The following SOX5 variants were observed in gnomAD, a reference collection of about 807,000 sequenced individuals.
SOX5 encodes transcription factor SOX-5.
In SOX5, 9 loss-of-function variants were observed where a neutral mutation model predicts 92.0. The ratio of observed to expected loss-of-function variants is 0.10; its 90% CI spans 0.06 to 0.17. SOX5 has a LOEUF of 0.17. SOX5 is among the 10% of genes least tolerant of loss of function. SOX5 has a pLI of 1.00. For missense variants in SOX5, 642 were observed against 944.5 expected (o/e 0.68, Z 4.20); for synonymous variants, 344 against 336.3 (o/e 1.02, Z -0.25).
At chr12:24,088,815 A>T (rs1342986803) in intron 4 of SOX5, among the ~76,000 whole-genome samples, 1 of 152,094 alleles carries the variant, frequency 6.6e-6, no homozygotes, top group African/African-American at 2.4e-5. Flanking sequence ...TTATGGCAGT[A>T]AATTTTAATT....
At chr12:23,843,104 A>C (rs1415315669) in intron 3 of SOX5, among the ~76,000 whole-genome samples, 4 of 152,194 alleles carry the variant, frequency 2.6e-5, no homozygotes, top group Non-Finnish European at 5.9e-5. Flanking sequence ...GACAAACATT[A>C]GACAAATTCC....
At position 24,034,785 on chromosome 12, in the gene SOX5, T is replaced by G. The variant is rs139498957; in HGVS notation, c.-1-138761A>C. Reference sequence around the variant, plus strand: ...TCTACTTTAATAGAATAAATTTGTGTGTTTGTGTGTTTTACTATTTGATGG... The same window carrying G: ...TCTACTTTAATAGAATAAATTTGTGGGTTTGTGTGTTTTACTATTTGATGG... On this transcript the variant is annotated intron_variant, in intron 4 of 4. Coordinates refer to the SOX5 transcript ENST00000446891. 4.8e-3 allele frequency among the ~76,000 whole-genome samples: 732 copies of G among 152,186 alleles called. 4 individuals carry two copies. Among genetic ancestry groups the G allele is most frequent in the Non-Finnish European group, 7.6e-3 (514 of 67,964 alleles).
chr12:24,390,857 C>T (rs549142423), intron 1 of SOX5, among the ~76,000 whole-genome samples: 1 of 152,232 alleles, frequency 6.6e-6, no homozygotes, highest in East Asian at 1.9e-4. Flanking sequence ...GATTCTATAT[C>T]TTTGCCATTG....
At position 23,536,515 on chromosome 12, in the gene SOX5, A is replaced by G; in HGVS notation, c.1926T>C (p.Ile642=). 1 of 1,614,208 alleles carries G rather than the reference A, an allele frequency of 6.2e-7. No homozygotes were observed. Among genetic ancestry groups the G allele is most frequent in the Non-Finnish European group, 8.5e-7 (1 of 1,180,032 alleles). The change falls in exon 14 of 15, where the codon ATT becomes ATC. Residue 642 remains isoleucine (I), a synonymous_variant. Transcript: ENST00000451604. ...TGCGCATGATTGCCTTGTATTCACC[A>G]ATGCGCAGCTTTTTGCCATCCACCA... ...TCLVDGKKLR[I]GEYKAIMRNR...
At chr12:23,768,751 G>GT (rs1302314192) in intron 3 of SOX5, among the ~76,000 whole-genome samples, 1 of 151,910 alleles carries the variant, frequency 6.6e-6, no homozygotes, top group Non-Finnish European at 1.5e-5. Context: ...AGTGAAACAG[G>GT]TAAGTCATTG....
chr12:23,662,129 C>T (rs1282205629), intron 7 of SOX5, among the ~76,000 whole-genome samples: 1 of 151,974 alleles, frequency 6.6e-6, no homozygotes, highest in Non-Finnish European at 1.5e-5. Context: ...TTTATACACA[C>T]ACATTATATA....
At position 23,550,548 on chromosome 12, in the gene SOX5, G is replaced by T. The variant is rs570951888; in HGVS notation, c.1489-4124C>A. Among the ~76,000 whole-genome samples, 14 of 151,962 alleles carry T rather than the reference G, an allele frequency of 9.2e-5. 2 individuals carry two copies. In the South Asian group the frequency reaches 2.9e-3, roughly 32 times the overall value. On this transcript the variant is annotated intron_variant, in intron 11 of 14. Transcript: ENST00000451604. ...GTTAAATTTCAGTATTAAGTAGCCT[G>T]TTATGATTATAAACTCTATTCTGTA...
At chr12:24,246,257 T>G (rs1938683152) in intron 3 of SOX5, among the ~76,000 whole-genome samples, 1 of 152,044 alleles carries the variant, frequency 6.6e-6, no homozygotes, top group Non-Finnish European at 1.5e-5. Context: ...TTTTTCCTGT[T>G]GATGTTCTCA....
chr12:23,971,386 T>G (rs1948323583), intron 4 of SOX5, among the ~76,000 whole-genome samples: 1 of 151,746 alleles, frequency 6.6e-6, no homozygotes, highest in African/African-American at 2.4e-5. Context: ...CCTCCCAAAG[T>G]GCTGGGATTA....
intron 4 of SOX5, among the ~76,000 whole-genome samples, chr12:24,164,800 A>T (rs115231194): frequency 1.3e-5 from 2 of 152,054 alleles, no homozygotes; most frequent in African/African-American, 4.8e-5. Context: ...GTGGGTAAAA[A>T]GTGGTTAATG....
chr12:23,950,940 A>C, upstream of SOX5: 1 of 1,425,578 alleles, frequency 7.0e-7, no homozygotes, highest in Non-Finnish European at 9.5e-7. Flanking sequence ...GCACACACTT[A>C]CCAACAGGAG....
intron 4 of SOX5, among the ~76,000 whole-genome samples, chr12:24,021,011 T>A (rs1292247211): frequency 6.6e-6 from 1 of 152,200 alleles, no homozygotes; most frequent in Non-Finnish European, 1.5e-5. Flanking sequence ...ACTTTGCTCC[T>A]TTTCCTGAGA....
intron 3 of SOX5, among the ~76,000 whole-genome samples, chr12:24,270,696 C>G (rs1943617706): frequency 1.3e-5 from 2 of 152,306 alleles, no homozygotes; most frequent in Admixed American, 1.3e-4. Flanking sequence ...TCGTAGATAT[C>G]AGCACTCCCT....
At chr12:24,467,940 T>G (rs1944400633) in intron 1 of SOX5, among the ~76,000 whole-genome samples, 1 of 143,146 alleles carries the variant, frequency 7.0e-6, no homozygotes, top group Non-Finnish European at 1.5e-5. Flanking sequence ...CTAACTAGTC[T>G]GTGTTCTACA....
At chr12:24,333,961 A>G (rs1595688115) in intron 2 of SOX5, among the ~76,000 whole-genome samples, 1 of 151,842 alleles carries the variant, frequency 6.6e-6, no homozygotes. Context: ...TAATCAGATC[A>G]ATTTAATAAA....
intron 4 of SOX5, among the ~76,000 whole-genome samples, chr12:24,048,491 A>G (rs773869900): frequency 1.3e-5 from 2 of 152,212 alleles, no homozygotes; most frequent in African/African-American, 2.4e-5. Context: ...TCCTAGGCAT[A>G]TACCCAAGAA....
chr12:23,564,594 T>C (rs1177277499), intron 10 of SOX5, among the ~76,000 whole-genome samples: 1 of 152,194 alleles, frequency 6.6e-6, no homozygotes, highest in African/African-American at 2.4e-5. Context: ...TACACCCTAA[T>C]CCATTTTTAG....
At chr12:24,362,481 A>G (rs1171192484) in intron 2 of SOX5, among the ~76,000 whole-genome samples, 1 of 152,234 alleles carries the variant, frequency 6.6e-6, no homozygotes, top group Non-Finnish European at 1.5e-5. Flanking sequence ...TCAATTGTGT[A>G]GACATTAATA....
intron 3 of SOX5, among the ~76,000 whole-genome samples, chr12:23,794,632 T>A (rs1484483605): frequency 6.6e-6 from 1 of 152,186 alleles, no homozygotes; most frequent in Admixed American, 6.5e-5. Context: ...TTACAGATGA[T>A]ACTTCATGTT....
Sources: gnomAD v4.1 joint callset for allele counts (sites outside exome capture counted in the v4.1 genomes callset) on GRCh38, gnomAD v4.1.1 for gene constraint, MANE v1.5 for transcripts, NCBI Gene and HGNC (gene_info 2026-07-23, HGNC 2026-07-21) for gene names.